Variants in ATG13 observed in about 807,000 individuals in gnomAD.
ATG13 encodes the protein autophagy related 13.
A neutral mutation model predicts 65.5 loss-of-function variants in ATG13; 23 were observed. That is an observed-to-expected ratio of 0.35 (90% CI 0.25 to 0.50). ATG13 has a LOEUF of 0.50. Among genes scored for constraint, ATG13 ranks in the 20% least tolerant of loss-of-function variants. The pLI is 0.98. For synonymous variants in ATG13, 252 were observed against 245.2 expected (o/e 1.03, Z -0.26); for missense variants, 566 against 677.0 (o/e 0.84, Z 1.82).
rs2060765804 is a variant in ATG13, at chr11:46,659,728, A to G, written c.789+243A>G. ...TCCTGGTGACATCTTAAAATTCCCT[A>G]GAACATCAGTCACAGAATTCCAAAT... is the stretch of plus-strand genomic sequence containing the variant. On this transcript the variant is annotated intron_variant, in intron 11 of 18. Transcript: ENST00000683050. The G allele has an allele frequency of 1.1e-5, 4 of 365,556 alleles. No homozygotes were observed. In the South Asian group the frequency reaches 2.3e-4, roughly 21 times the overall value. 22.6% of individuals were successfully genotyped at this position (365,556 alleles called of 1,614,324 possible). A position where few individuals can be genotyped will look rare whatever the true frequency, so the allele number is the denominator to read the frequency against.
At chr11:46,656,641 C>G (rs981636751) in intron 8 of ATG13, among the ~76,000 whole-genome samples, 2 of 152,148 alleles carry the variant, frequency 1.3e-5, no homozygotes, top group Non-Finnish European at 1.5e-5. Context: ...AAGGCCTTGG[C>G]TCTTTACTTA....
chr11:46,660,192 T>G (rs530382382), intron 11 of ATG13, among the ~76,000 whole-genome samples: 1 of 152,286 alleles, frequency 6.6e-6, no homozygotes, highest in East Asian at 1.9e-4. Flanking sequence ...TCAGCTTCCT[T>G]GCCTCCAGAT....
chr11:46,629,417 G>A (rs1200847814), intron 1 of ATG13, among the ~76,000 whole-genome samples: 1 of 151,982 alleles, frequency 6.6e-6, no homozygotes, highest in Non-Finnish European at 1.5e-5. Flanking sequence ...TTTTTTCCGA[G>A]ACAGAGTCTC....
intron 2 of ATG13, among the ~76,000 whole-genome samples, chr11:46,641,154 C>T (rs1300246240): frequency 6.6e-6 from 1 of 152,006 alleles, no homozygotes; most frequent in South Asian, 2.1e-4. Context: ...CTCACTGCAA[C>T]CTCTGCCTCC....
At chr11:46,626,599 T>C (rs1005233442) in intron 1 of ATG13, among the ~76,000 whole-genome samples, 1 of 152,140 alleles carries the variant, frequency 6.6e-6, no homozygotes, top group Non-Finnish European at 1.5e-5. Flanking sequence ...TTTGATGACT[T>C]TGTTAAGATT....
intron 2 of ATG13, among the ~76,000 whole-genome samples, chr11:46,632,902 A>G (rs552870804): frequency 6.7e-6 from 1 of 150,030 alleles, no homozygotes; most frequent in Non-Finnish European, 1.5e-5. Flanking sequence ...GTGGCTCACA[A>G]CTGTAATCCC....
At chr11:46,648,901 G>A (rs117451444) in intron 5 of ATG13, 4,868 of 323,282 alleles carry the variant, frequency 0.015, 50 homozygotes, top group Non-Finnish European at 0.021. Flanking sequence ...AAATGATTTA[G>A]AATTTTTAAT....
intron 14 of ATG13, among the ~76,000 whole-genome samples, chr11:46,665,744 G>T (rs1313200758): frequency 2.7e-5 from 4 of 148,532 alleles, no homozygotes; most frequent in African/African-American, 9.9e-5. Flanking sequence ...AGGATTTTGA[G>T]ATTAACCTGG....
chr11:46,658,838 A>G (rs1157416970), intron 10 of ATG13, among the ~76,000 whole-genome samples: 3 of 152,024 alleles, frequency 2.0e-5, no homozygotes, highest in Admixed American at 2.0e-4. Context: ...ACCAATTTAG[A>G]AAAAAAGAAA....
At chr11:46,669,311 C>A in intron 17 of ATG13, 93 bp from the exon 18 acceptor site, 1 of 1,472,394 alleles carries the variant, frequency 6.8e-7, no homozygotes, top group Non-Finnish European at 9.3e-7. Context: ...CCTGAAAGAA[C>A]CTTTTGATAA....
chr11:46,620,436 G>T (rs1591359091), intron 1 of ATG13, among the ~76,000 whole-genome samples: 2 of 151,746 alleles, frequency 1.3e-5, no homozygotes, highest in African/African-American at 4.8e-5. Context: ...TATGCCCTTG[G>T]TCATAAGAGA....
At position 46,665,390 on chromosome 11, in the gene ATG13, T is replaced by C; in HGVS notation, c.1007T>C (p.Val336Ala). 1 of 1,613,852 alleles carries C rather than the reference T, an allele frequency of 6.2e-7. No individual in the cohort carries two copies. Among genetic ancestry groups the C allele is most frequent in the Non-Finnish European group, 8.5e-7 (1 of 1,179,854 alleles). ...LNATHPHQLM[V>A]PGKEGGVPLA... ...TTCCATTTTTCCCCAAAGCTGATGGTTCCTGGGAAGGAAGGTGGGGTACCC... is the reference window on the plus strand; with the variant it reads ...TTCCATTTTTCCCCAAAGCTGATGGCTCCTGGGAAGGAAGGTGGGGTACCC... Residue 336 changes from valine (V) to alanine (A), a missense_variant, in exon 14 of 19, where the codon GTT becomes GCT. By Grantham distance (64) the Val-to-Ala change is moderately conservative (BLOSUM62 0). This residue lies in a region of ATG13 where 387 missense variants were observed against 409.8 expected (regional missense o/e 0.94). Coordinates refer to ENST00000683050, the MANE Select transcript of ATG13 (RefSeq NM_001346311.2).
chr11:46,664,947 A>G lies in ATG13; in HGVS notation c.987A>G (p.Thr329=). 1 of 1,613,594 alleles carries G rather than the reference A, an allele frequency of 6.2e-7. No individual in the cohort carries two copies. The highest frequency in any genetic ancestry group is 8.5e-7 in the Non-Finnish European group (1 of 1,179,532). ...PVVFAAGLNA[T]HPHQLMVPGK... is the part of the protein sequence containing the mutation. ...TGTTTGCTGCTGGCTTAAATGCTAC[A>G]CACCCTCACCAGGTATCTTTAAAGA... The change falls in exon 13 of 19, where the codon ACA becomes ACG. Residue 329 remains threonine, a synonymous_variant. Transcript: ENST00000683050.
chr11:46,654,281 T>TATA (rs1565549918), intron 7 of ATG13, among the ~76,000 whole-genome samples: 1 of 81,930 alleles, frequency 1.2e-5, no homozygotes, highest in Non-Finnish European at 2.5e-5. Context: ...ATTTTTAAAA[T>TATA]TTTATATATA....
chr11:46,669,604 G>GCCTACCACCTTCTATCTTC, intron 18 of ATG13, 72 bp downstream of exon 18: 1 of 1,533,886 alleles, frequency 6.5e-7, no homozygotes, highest in Non-Finnish European at 8.9e-7. Context: ...GGCCTAGGAG[G>GCCTACCACCTTCTATCTTC]CCTACCACCT....
At chr11:46,657,732 G>GTGGC in intron 10 of ATG13, 110 bp downstream of exon 10, 1 of 957,912 alleles carries the variant, frequency 1.0e-6, no homozygotes. Flanking sequence ...TGGGCAGGGG[G>GTGGC]CCACTGATGG....
At chr11:46,666,769 C>A (rs1297861579) in intron 14 of ATG13, among the ~76,000 whole-genome samples, 1 of 152,110 alleles carries the variant, frequency 6.6e-6, no homozygotes, top group Non-Finnish European at 1.5e-5. Context: ...TTTGACCTGC[C>A]CTACCCTCCC....
Position 46,630,568 on chromosome 11 carries a change from C to CTTTTTT in ATG13, c.-14+480_-14+485dup, listed in dbSNP as rs35243801. ...CTTGGCCTTGGCAAGAAATTAGAGG[C>CTTTTTT]TTTTTTTTTTTTTTTTTGAGACAGG... is the stretch of plus-strand genomic sequence containing the variant. On this transcript the variant is annotated intron_variant, in intron 2 of 18. Transcript: ENST00000683050. Among the ~76,000 whole-genome samples, 440 of 120,674 alleles carry CTTTTTT rather than the reference C, an allele frequency of 3.6e-3. 12 individuals carry two copies. The highest frequency in any genetic ancestry group is 4.5e-3 in the Non-Finnish European group (268 of 59,272). The allele number at this position is 120,674 out of a possible 152,430, so 79.2% of individuals were successfully genotyped here.
At chr11:46,624,388 T>C (rs1020064144) in intron 1 of ATG13, among the ~76,000 whole-genome samples, 3 of 152,162 alleles carry the variant, frequency 2.0e-5, no homozygotes, top group African/African-American at 7.2e-5. Context: ...AGTACTGTCC[T>C]TCACAGAAAC....
Sources: gnomAD v4.1 joint callset for allele counts (sites outside exome capture counted in the v4.1 genomes callset) on GRCh38, gnomAD v4.1.1 for gene constraint, gnomAD v4.1.1 regional missense constraint, MANE v1.5 for transcripts, NCBI Gene and HGNC (gene_info 2026-07-23, HGNC 2026-07-21) for gene names.